EFHB: variants seen among roughly 807,000 people sequenced by gnomAD.
EFHB encodes EF-hand domain family member B.
Under a neutral mutation model 87.2 loss-of-function variants are expected in EFHB, and 91 were observed. That is an observed-to-expected ratio of 1.04 (90% CI 0.88 to 1.24). The LOEUF (loss-of-function observed/expected upper bound fraction) is 1.24. Among genes scored for constraint, EFHB ranks in the 50% most tolerant of loss-of-function variants. The probability of loss-of-function intolerance (pLI) is 0.00; values close to 1 mark genes in which losing one functional copy is unlikely to be tolerated. For synonymous variants in EFHB, 325 were observed against 333.6 expected (o/e 0.97, Z 0.28); for missense variants, 1,084 against 998.8 (o/e 1.09, Z -1.15).
intron 8 of EFHB, 38 bp downstream of exon 8, chr3:19,898,740 T>C: frequency 6.3e-7 from 1 of 1,599,608 alleles, no homozygotes; most frequent in Non-Finnish European, 8.6e-7. Context: ...TGTTGCTGTT[T>C]GTTTGGGGTT....
chr3:19,918,267 G>A lies in EFHB; in HGVS notation c.1142C>T (p.Thr381Ile). 1 of 1,608,988 alleles carries A rather than the reference G, an allele frequency of 6.2e-7. No individual in the cohort carries two copies. Among genetic ancestry groups the A allele is most frequent in the South Asian group, 1.1e-5 (1 of 89,878 alleles). Reference sequence around the variant, plus strand: ...TGCTGTCCCAAATGTCGTATTGGTTGTGTCCATGCCTTTTGGTAATCCTGG... The same window carrying A: ...TGCTGTCCCAAATGTCGTATTGGTTATGTCCATGCCTTTTGGTAATCCTGG... Reference protein sequence around the residue: ...QAPGLPKGMDTTNTTFGTAVI... With the variant: ...QAPGLPKGMDITNTTFGTAVI... Residue 381 changes from threonine to isoleucine, a missense_variant, in exon 4 of 13, where the codon ACA becomes ATA. Thr to Ile is a moderately conservative substitution (Grantham distance 89). Transcript: ENST00000295824.
Position 19,916,527 on chromosome 3 carries a change from A to T in EFHB, c.1178-1114T>A, listed in dbSNP as rs534399700. ...GAGACTCCGTCTCAAAAAAAAAATT[A>T]ATTCATTAATTAATTAATTTAAAAA... is the stretch of plus-strand genomic sequence containing the variant. On this transcript the variant is annotated intron_variant, in intron 4 of 12. Transcript: ENST00000295824. Among the ~76,000 whole-genome samples the T allele has an allele frequency of 4.2e-4, 63 of 151,740 alleles. 2 individuals are homozygous for T. The highest frequency in any genetic ancestry group is 1.5e-3 in the African/African-American group (60 of 41,324).
chr3:19,912,394 C>T (rs747937947), intron 5 of EFHB, among the ~76,000 whole-genome samples: 1 of 151,694 alleles, frequency 6.6e-6, no homozygotes, highest in South Asian at 2.1e-4. Flanking sequence ...AAGACTCTCA[C>T]AGGCCAAAAA....
Position 19,888,596 on chromosome 3 carries a change from T to C in EFHB, c.1781A>G (p.Asn594Ser). 6.2e-7 allele frequency: 1 copy of C among 1,607,488 alleles called. No homozygotes were observed. The highest frequency in any genetic ancestry group is 8.5e-7 in the Non-Finnish European group (1 of 1,176,714). ...DELQEACDQA[N>S]LSLDDKLLDQ... ...CAGGAGCTTGTCATCTAAACTCAAG[T>C]TGGCCTGGTCACAAGCTTCCTGCAG... The change falls in exon 10 of 13, where the codon AAC (asparagine) becomes AGC (serine). Residue 594 changes from asparagine (N) to serine (S), a missense_variant. Asn to Ser is a conservative substitution (Grantham distance 46, BLOSUM62 1). Transcript: ENST00000295824.
chr3:19,930,750 A>G (rs1020332457), intron 1 of EFHB, among the ~76,000 whole-genome samples: 1 of 152,184 alleles, frequency 6.6e-6, no homozygotes, highest in African/African-American at 2.4e-5. Flanking sequence ...CTACAGGCAC[A>G]TACTACCACA....
upstream of EFHB, among the ~76,000 whole-genome samples, chr3:19,935,360 T>G (rs1180691892): frequency 1.3e-5 from 2 of 152,182 alleles, no homozygotes; most frequent in Non-Finnish European, 2.9e-5. Flanking sequence ...GAAAGTATAT[T>G]TGGTAAATAT....
At chr3:19,883,676 C>T (rs910216273) in intron 11 of EFHB, among the ~76,000 whole-genome samples, 1 of 152,118 alleles carries the variant, frequency 6.6e-6, no homozygotes, top group South Asian at 2.1e-4. Context: ...TAAGGTCATA[C>T]TGGAGTATGG....
upstream of EFHB, chr3:19,936,255 T>C (rs1178441509): frequency 1.4e-6 from 1 of 734,602 alleles, no homozygotes; most frequent in East Asian, 2.7e-5. Context: ...GAGGCTGAAG[T>C]GGGAGGATCA....
intron 10 of EFHB, among the ~76,000 whole-genome samples, chr3:19,887,220 A>G (rs953700379): frequency 1.1e-4 from 16 of 152,108 alleles, no homozygotes; most frequent in Admixed American, 3.9e-4. Flanking sequence ...GTCTCTGCTA[A>G]AAATACAAAA....
At chr3:19,908,588 G>GAA (rs1559459655) in intron 5 of EFHB, among the ~76,000 whole-genome samples, 59 of 121,740 alleles carry the variant, frequency 4.8e-4, no homozygotes, top group Middle Eastern at 3.7e-3. Flanking sequence ...GAGAGAGAGA[G>GAA]AGAGAGAGAG....
chr3:19,921,496 T>A (rs906363252), intron 1 of EFHB, among the ~76,000 whole-genome samples: 26 of 152,042 alleles, frequency 1.7e-4, no homozygotes, highest in Non-Finnish European at 3.2e-4. Flanking sequence ...CAACTTCTGA[T>A]TAGATACATG....
At chr3:19,908,588 G>A (rs1469493725) in intron 5 of EFHB, among the ~76,000 whole-genome samples, 7 of 121,702 alleles carry the variant, frequency 5.8e-5, no homozygotes, top group African/African-American at 1.2e-4. Flanking sequence ...GAGAGAGAGA[G>A]AGAGAGAGAG....
chr3:19,906,698 GA>G (rs35283272), intron 5 of EFHB, among the ~76,000 whole-genome samples: 101,409 of 149,260 alleles, frequency 0.68, 34,841 homozygotes, highest in African/African-American at 0.79. Context: ...CACAGAAATA[GA>G]AAAAAAAAAA....
At chr3:19,938,242 C>T (rs187823743), upstream of EFHB, among the ~76,000 whole-genome samples, 8 of 152,274 alleles carry the variant, frequency 5.3e-5, no homozygotes, top group East Asian at 1.9e-4. Context: ...GGTAGTGTTC[C>T]GTATCTCAAT....
chr3:19,888,733 A>C, intron 9 of EFHB, 82 bp from the exon 10 acceptor site: 1 of 1,139,506 alleles, frequency 8.8e-7, no homozygotes, highest in South Asian at 1.5e-5. Context: ...TTTAAGAAAA[A>C]AGAAATAGCT....
intron 1 of EFHB, among the ~76,000 whole-genome samples, chr3:19,921,671 A>C (rs1456577965): frequency 6.6e-6 from 1 of 152,170 alleles, no homozygotes; most frequent in Non-Finnish European, 1.5e-5. Context: ...ACACAATTAC[A>C]TTGTGTGAGA....
chr3:19,906,138 G>A (rs2929376), intron 5 of EFHB, among the ~76,000 whole-genome samples: 26,511 of 152,012 alleles, frequency 0.17, 2,718 homozygotes, highest in African/African-American at 0.28. Context: ...TCACCAGTCT[G>A]GCCAACATGG....
rs755825347 is a variant in EFHB, at chr3:19,905,706, C to T, written c.1332G>A (p.Arg444=). The T allele has an allele frequency of 3.7e-6, 6 of 1,613,266 alleles. No individual in the cohort carries two copies. The Admixed American group carries it at 8.3e-5, about 22-fold the overall frequency. The change falls in exon 6 of 13, where the codon AGG becomes AGA. Residue 444 remains arginine (R), a synonymous_variant. Transcript: ENST00000295824. ...NRKYNPSSFH[R]CSVYGVPTPH... is the part of the protein sequence containing the mutation. ...GTGTTGGTACTCCATACACACTACACCTATGGAAACTTGATGGGTTATACT... is the reference window on the plus strand; with the variant it reads ...GTGTTGGTACTCCATACACACTACATCTATGGAAACTTGATGGGTTATACT...
intron 9 of EFHB, among the ~76,000 whole-genome samples, chr3:19,892,512 C>T (rs1454908976): frequency 6.6e-6 from 1 of 152,198 alleles, no homozygotes; most frequent in East Asian, 1.9e-4. Flanking sequence ...CATGGTGCAA[C>T]AGCACCATGC....
Sources: allele counts gnomAD v4.1 joint callset (sites outside exome capture counted in the v4.1 genomes callset), GRCh38; gene constraint gnomAD v4.1.1; transcripts MANE v1.5; gene names NCBI Gene and HGNC (gene_info 2026-07-23, HGNC 2026-07-21).